RABEPK: variants seen among roughly 807,000 people sequenced by gnomAD.
RABEPK encodes Rab9 effector protein with kelch motifs, also known as 40 kDa Rab9 effector protein.
RABEPK carries 27 observed loss-of-function variants against 34.1 expected under a neutral mutation model. The ratio of observed to expected loss-of-function variants is 0.79; its 90% CI spans 0.58 to 1.09. The LOEUF (loss-of-function observed/expected upper bound fraction) is 1.09, where lower values mean the gene tolerates loss of function less well. Among genes scored for constraint, RABEPK ranks in the 50% least tolerant of loss-of-function variants. RABEPK has a pLI of 0.00. For synonymous variants in RABEPK, 172 were observed against 169.2 expected, an observed-to-expected ratio of 1.02 and a Z score of -0.13; for missense variants, 449 against 462.6, an observed-to-expected ratio of 0.97 and a Z score of 0.27.
intron 4 of RABEPK, among the ~76,000 whole-genome samples, chr9:125,213,812 C>T (rs1830743580): frequency 6.6e-6 from 1 of 152,142 alleles, no homozygotes; most frequent in African/African-American, 2.4e-5. Context: ...TTATCAAGGG[C>T]AAAGTGACTT....
At chr9:125,202,985 G>T in intron 1 of RABEPK, 23 bp from the exon 2 acceptor site, 1 of 1,606,358 alleles carries the variant, frequency 6.2e-7, no homozygotes, top group South Asian at 1.1e-5. Flanking sequence ...TGTCTAAAAA[G>T]TGCCTTTCTT....
At chr9:125,229,732 G>A (rs760117060) in intron 6 of RABEPK, among the ~76,000 whole-genome samples, 5 of 152,182 alleles carry the variant, frequency 3.3e-5, no homozygotes, top group Non-Finnish European at 7.3e-5. Flanking sequence ...TAGATGACTA[G>A]AGTTTCATGC....
chr9:125,227,589 A>ATT (rs575182409), intron 5 of RABEPK, among the ~76,000 whole-genome samples: 2 of 144,748 alleles, frequency 1.4e-5, no homozygotes, highest in African/African-American at 5.0e-5. Context: ...CACCTGGCTA[A>ATT]TTTTTTTTTT....
intron 5 of RABEPK, among the ~76,000 whole-genome samples, chr9:125,224,230 AG>A (rs1479745750): frequency 6.6e-6 from 1 of 151,578 alleles, no homozygotes; most frequent in Non-Finnish European, 1.5e-5. Context: ...AAAAAACAAC[AG>A]AGTTTTTGCA....
At chr9:125,208,993 C>CGTAGA (rs1830418320) in intron 3 of RABEPK, among the ~76,000 whole-genome samples, 1 of 151,698 alleles carries the variant, frequency 6.6e-6, no homozygotes. Flanking sequence ...ACCTAGCCAG[C>CGTAGA]GAATATCATC....
chr9:125,212,365 G>T (rs549981277), intron 3 of RABEPK, among the ~76,000 whole-genome samples: 2 of 151,660 alleles, frequency 1.3e-5, no homozygotes, highest in African/African-American at 2.4e-5. Flanking sequence ...GACTACAGGC[G>T]CCTGCCATCG....
At chr9:125,233,342 T>G (rs1171482479) in intron 7 of RABEPK, among the ~76,000 whole-genome samples, 8 of 140,772 alleles carry the variant, frequency 5.7e-5, no homozygotes, top group Admixed American at 1.4e-4. Flanking sequence ...TTTTTTTTTT[T>G]TTTTTTTTTT....
rs550043472 is a variant in RABEPK at position 125,232,466 on chromosome 9, T to C, written c.677-130T>C. The C allele has an allele frequency of 1.5e-5, 15 of 1,006,584 alleles. No individual in the cohort carries two copies. In the South Asian group the frequency reaches 2.9e-4, roughly 19 times the overall value. The allele number at this position is 1,006,584 out of a possible 1,614,324, so 62.4% of individuals were successfully genotyped here. ...GTCAGAGTTCCCCAAATAATTCTTA[T>C]GTGCACTAAACCTCTCAGAGCTCTT... On this transcript the variant is annotated intron_variant, in intron 6 of 7. Coordinates refer to ENST00000373538, the MANE Select transcript of RABEPK (RefSeq NM_005833.4).
At position 125,234,102 on chromosome 9, in the gene RABEPK, T is replaced by A; in HGVS notation, c.*122T>A. The A allele has an allele frequency of 6.8e-6, 7 of 1,030,068 alleles. No individual in the cohort carries two copies. The highest frequency in any genetic ancestry group is 2.9e-4 in the Middle Eastern group (1 of 3,416). The allele number at this position is 1,030,068 out of a possible 1,614,324, so 63.8% of individuals were successfully genotyped here. ...TCTGTTTTTCTCCTACTTTGGTAGG[T>A]GAAGAAACTAATGCAAATAATTCTT... On this transcript the variant is annotated 3_prime_UTR_variant, in exon 8 of 8. Transcript: ENST00000373538.
intron 3 of RABEPK, 54 bp from the exon 4 acceptor site, chr9:125,213,316 A>T: frequency 6.4e-7 from 1 of 1,574,674 alleles, no homozygotes. Flanking sequence ...AAGTGTGCCA[A>T]CCAATATAAT....
intron 6 of RABEPK, among the ~76,000 whole-genome samples, chr9:125,229,404 C>T (rs1404749544): frequency 2.0e-5 from 3 of 152,068 alleles, no homozygotes; most frequent in African/African-American, 7.2e-5. Flanking sequence ...GCACTCCAGC[C>T]TAGACGACAG....
intron 5 of RABEPK, among the ~76,000 whole-genome samples, chr9:125,223,967 G>C (rs958646178): frequency 6.6e-6 from 1 of 152,010 alleles, no homozygotes; most frequent in East Asian, 1.9e-4. Flanking sequence ...ACCAAAGCAG[G>C]TGGATCCCTT....
At chr9:125,217,361 G>A (rs1229686494) in intron 4 of RABEPK, among the ~76,000 whole-genome samples, 1 of 152,064 alleles carries the variant, frequency 6.6e-6, no homozygotes, top group Non-Finnish European at 1.5e-5. Context: ...TGAGAATTTG[G>A]AAAGCTGTCA....
At chr9:125,202,354 C>T (rs1384404586) in intron 1 of RABEPK, among the ~76,000 whole-genome samples, 1 of 150,922 alleles carries the variant, frequency 6.6e-6, no homozygotes, top group Non-Finnish European at 1.5e-5. Context: ...AACCCCGTCT[C>T]TACTAGAAAA....
Position 125,224,160 on chromosome 9 carries a change from C to T in RABEPK, c.526+3460C>T, listed in dbSNP as rs144191127. 3.0e-4 allele frequency among the ~76,000 whole-genome samples: 45 copies of T among 150,150 alleles called. 2 individuals are homozygous for T. The East Asian group carries it at 8.7e-3, about 29-fold the overall frequency. On this transcript the variant is annotated intron_variant, in intron 5 of 7. Transcript: ENST00000373538. ...GCAGTGAGCCAAGATCGCACCACTG[C>T]ACTCCAGCCTGGGCAACAGAGCAAC... is the stretch of plus-strand genomic sequence containing the variant.
intron 4 of RABEPK, among the ~76,000 whole-genome samples, chr9:125,217,782 A>T (rs1416745360): frequency 6.6e-6 from 1 of 152,126 alleles, no homozygotes; most frequent in Non-Finnish European, 1.5e-5. Flanking sequence ...TGGAGGTGAC[A>T]TGTATACCTT....
intron 5 of RABEPK, among the ~76,000 whole-genome samples, chr9:125,223,777 C>G (rs1046810779): frequency 1.3e-5 from 2 of 149,860 alleles, no homozygotes; most frequent in African/African-American, 4.9e-5. Flanking sequence ...ATGCAGAAAC[C>G]ATTTCAGGTA....
intron 4 of RABEPK, 174 bp from the exon 5 acceptor site, chr9:125,220,365 C>T (rs1831237260): frequency 1.4e-6 from 2 of 1,461,996 alleles, no homozygotes; most frequent in Non-Finnish European, 1.8e-6. Context: ...CTTGGCAAAT[C>T]CTAAGTATCA....
chr9:125,209,940 C>A (rs148125756), intron 3 of RABEPK, among the ~76,000 whole-genome samples: 1,664 of 152,258 alleles, frequency 0.011, 15 homozygotes, highest in South Asian at 0.038. Context: ...GCCTTCACAG[C>A]CCTATCACAT....
Sources: allele counts gnomAD v4.1 joint callset (sites outside exome capture counted in the v4.1 genomes callset), GRCh38; gene constraint gnomAD v4.1.1; transcripts MANE v1.5; gene names NCBI Gene and HGNC (gene_info 2026-07-23, HGNC 2026-07-21).